Variants in LOC400499 observed in about 807,000 individuals in gnomAD.
the LOC400499 span, among the ~76,000 whole-genome samples, chr16:11,498,800 T>C: frequency 6.6e-6 from 1 of 151,692 alleles, no homozygotes; most frequent in Admixed American, 6.6e-5. Context: ...GGCTCAGTGC[T>C]GTGTCCCAGA....
the LOC400499 span, chr16:11,487,348 G>C: frequency 1.5e-5 from 6 of 399,564 alleles, no homozygotes; most frequent in Admixed American, 1.3e-4. Context: ...GGAGAGAAGA[G>C]AAGGGTCCCC....
chr16:11,498,825 C>T, the LOC400499 span, among the ~76,000 whole-genome samples: 2 of 151,506 alleles, frequency 1.3e-5, no homozygotes, highest in Non-Finnish European at 2.9e-5. Flanking sequence ...TGGCAACAGC[C>T]ACTTCCCTCC....
At chr16:11,447,877 G>A in the LOC400499 span, 103 of 1,496,438 alleles carry the variant, frequency 6.9e-5, no homozygotes, top group South Asian at 7.0e-4. Flanking sequence ...GGGATGCTCC[G>A]TGCTAGAGAA....
the LOC400499 span, among the ~76,000 whole-genome samples, chr16:11,516,487 G>C: frequency 6.6e-6 from 1 of 152,140 alleles, no homozygotes; most frequent in African/African-American, 2.4e-5. Flanking sequence ...CTCTGGGGCA[G>C]CCAACTCTGC....
the LOC400499 span, among the ~76,000 whole-genome samples, chr16:11,408,153 T>C: frequency 6.6e-6 from 1 of 151,368 alleles, no homozygotes; most frequent in Admixed American, 6.6e-5. Context: ...CAACTAATTT[T>C]TGTATTTTTA....
At chr16:11,435,111 C>T in the LOC400499 span, among the ~76,000 whole-genome samples, 5 of 152,294 alleles carry the variant, frequency 3.3e-5, no homozygotes, top group East Asian at 9.6e-4. Flanking sequence ...TCCCAAGTAG[C>T]TGGGACTACA....
At chr16:11,519,421 C>CTAAATAACTGA in the LOC400499 span, among the ~76,000 whole-genome samples, 1 of 151,970 alleles carries the variant, frequency 6.6e-6, no homozygotes, top group Non-Finnish European at 1.5e-5. Context: ...AATATCCTCC[C>CTAAATAACTGA]TAAATAACTG....
the LOC400499 span, among the ~76,000 whole-genome samples, chr16:11,441,762 G>A: frequency 6.6e-6 from 1 of 152,160 alleles, no homozygotes; most frequent in Non-Finnish European, 1.5e-5. Context: ...ATGAGCCAAG[G>A]CATGCAGGCA....
the LOC400499 span, among the ~76,000 whole-genome samples, chr16:11,510,570 T>A: frequency 1.3e-5 from 2 of 151,698 alleles, no homozygotes; most frequent in Non-Finnish European, 2.9e-5. Flanking sequence ...TCAAGCCACC[T>A]TGACTAGGCT....
At chr16:11,421,453 G>T in the LOC400499 span, among the ~76,000 whole-genome samples, 1 of 152,046 alleles carries the variant, frequency 6.6e-6, no homozygotes, top group African/African-American at 2.4e-5. Context: ...CCAGTCCGGA[G>T]TGCAGTGGCA....
At chr16:11,466,325 C>T in the LOC400499 span, among the ~76,000 whole-genome samples, 1 of 152,170 alleles carries the variant, frequency 6.6e-6, no homozygotes, top group Admixed American at 6.5e-5. Flanking sequence ...AGCTGTGGAA[C>T]ACCTGAAATG....
the LOC400499 span, among the ~76,000 whole-genome samples, chr16:11,416,699 G>C: frequency 6.6e-6 from 1 of 152,198 alleles, no homozygotes; most frequent in Non-Finnish European, 1.5e-5. Context: ...GTGGAAAAGA[G>C]AGGCCTCCCT....
the LOC400499 span, among the ~76,000 whole-genome samples, chr16:11,455,911 G>A: frequency 0.029 from 4,369 of 151,964 alleles, 214 homozygotes; most frequent in East Asian, 0.2. Context: ...AGAGCAGAGA[G>A]CATAATACAA....
chr16:11,408,303 G>A, the LOC400499 span, among the ~76,000 whole-genome samples: 2 of 151,968 alleles, frequency 1.3e-5, no homozygotes, highest in African/African-American at 4.8e-5. Context: ...TTTTTAACGC[G>A]CTCACTAGAG....
At chr16:11,498,813 A>G in the LOC400499 span, among the ~76,000 whole-genome samples, 1 of 151,518 alleles carries the variant, frequency 6.6e-6, no homozygotes, top group Non-Finnish European at 1.5e-5. Flanking sequence ...GTCCCAGACT[A>G]ATGGCAACAG....
the LOC400499 span, chr16:11,471,708 C>T: frequency 7.5e-6 from 3 of 399,172 alleles, no homozygotes; most frequent in Non-Finnish European, 8.8e-6. Flanking sequence ...GCCCCGGGTC[C>T]CGTTTCTGCA....
the LOC400499 span, among the ~76,000 whole-genome samples, chr16:11,377,433 G>A: frequency 1.3e-5 from 2 of 152,190 alleles, no homozygotes; most frequent in South Asian, 4.1e-4. Flanking sequence ...TCATCATTGA[G>A]TGTGATGTTA....
chr16:11,514,560 G>A, the LOC400499 span: 19 of 399,916 alleles, frequency 4.8e-5, no homozygotes, highest in East Asian at 6.4e-4. Context: ...AGAGGGGAAG[G>A]GACAGCTCAG....
the LOC400499 span, among the ~76,000 whole-genome samples, chr16:11,475,047 T>G: frequency 1.1e-3 from 171 of 152,334 alleles, no homozygotes; most frequent in African/African-American, 3.9e-3. Flanking sequence ...AAGTGTTGAT[T>G]TATTGAGCAA....
Sources: gnomAD v4.1 joint callset for allele counts (sites outside exome capture counted in the v4.1 genomes callset) on GRCh38, gnomAD v4.1.1 for gene constraint, MANE v1.5 for transcripts.